The following GREB1 variants were observed in gnomAD, a reference collection of about 807,000 sequenced individuals.
The protein encoded by GREB1 is protein GREB1.
A neutral mutation model predicts 200.7 loss-of-function variants in GREB1; 106 were observed. The ratio of observed to expected loss-of-function variants is 0.53; its 90% confidence interval spans 0.45 to 0.62. The LOEUF is 0.62. Ranked by LOEUF, GREB1 falls within the 20% of genes least tolerant of loss-of-function variation. The pLI is 0.00. For synonymous variants in GREB1, 1,132 were observed against 1,092.4 expected (o/e 1.04, Z -0.72); for missense variants, 2,243 against 2,556.8 (o/e 0.88, Z 2.65).
chr2:11,618,184 CACTCCTGGGATGGGTGACTCCTGGGACA>C, intron 21 of GREB1, 76 bp from the exon 22 acceptor site: 1 of 969,512 alleles, frequency 1.0e-6, no homozygotes, highest in Non-Finnish European at 1.4e-6. Context: ...TGGGACAGGT[CACTCCTGGGATGGGTGACTCCTGGGACA>C]GGTCACTCCT....
chr2:11,516,417 T>A (rs1673503502), intron 1 of GREB1, among the ~76,000 whole-genome samples: 1 of 152,046 alleles, frequency 6.6e-6, no homozygotes, highest in Non-Finnish European at 1.5e-5. Context: ...CTGTCATAAC[T>A]GACTTCTCCC....
intron 22 of GREB1, among the ~76,000 whole-genome samples, chr2:11,619,223 T>C (rs531171744): frequency 6.6e-6 from 1 of 152,330 alleles, no homozygotes; most frequent in East Asian, 1.9e-4. Context: ...CCATGTTCTC[T>C]GACAAATAGA....
At position 11,584,429 on chromosome 2, in the gene GREB1, A is replaced by C. The variant is rs115812639; in HGVS notation, c.902-732A>C. ...GCAGGGAGGGGAGCACAGGTGGATCAGTACTGCCCCCAAGCGGTGGAGCTG... is the reference window on the plus strand; with the variant it reads ...GCAGGGAGGGGAGCACAGGTGGATCCGTACTGCCCCCAAGCGGTGGAGCTG... On this transcript the variant is annotated intron_variant, in intron 7 of 32. Transcript: ENST00000381486. Among the ~76,000 whole-genome samples, 516 of 152,294 alleles carry C rather than the reference A, an allele frequency of 3.4e-3. 5 individuals are homozygous for C. The highest frequency in any genetic ancestry group is 0.012 in the African/African-American group (500 of 41,560).
intron 17 of GREB1, among the ~76,000 whole-genome samples, chr2:11,607,430 G>A (rs200251603): frequency 1.0e-4 from 2 of 19,432 alleles, no homozygotes; most frequent in African/African-American, 1.7e-4. Context: ...GTATATGTAT[G>A]TGTGTGTGTG....
intron 30 of GREB1, 95 bp from the exon 31 acceptor site, chr2:11,637,621 G>A: frequency 2.0e-6 from 2 of 979,300 alleles, no homozygotes; most frequent in Non-Finnish European, 3.1e-6. Context: ...AGTGACACAA[G>A]CTCCCATGCT....
chr2:11,547,027 C>G (rs1025373884), intron 1 of GREB1, among the ~76,000 whole-genome samples: 1 of 149,528 alleles, frequency 6.7e-6, no homozygotes, highest in Admixed American at 6.7e-5. Flanking sequence ...CTCACGCAAT[C>G]TCTGCCTCCT....
At chr2:11,560,022 T>C (rs1278776789) in intron 2 of GREB1, among the ~76,000 whole-genome samples, 5 of 152,206 alleles carry the variant, frequency 3.3e-5, no homozygotes, top group Admixed American at 6.5e-5. Flanking sequence ...ATGGTCGCCA[T>C]TGTGAGGCCA....
At chr2:11,577,540 C>T (rs1678999912) in intron 5 of GREB1, among the ~76,000 whole-genome samples, 1 of 152,238 alleles carries the variant, frequency 6.6e-6, no homozygotes, top group South Asian at 2.1e-4. Context: ...CCCTTCATGG[C>T]CACAGTCAGC....
At chr2:11,622,957 T>C (rs1684129042) in intron 23 of GREB1, among the ~76,000 whole-genome samples, 1 of 152,194 alleles carries the variant, frequency 6.6e-6, no homozygotes, top group Admixed American at 6.5e-5. Context: ...AGAACATTCC[T>C]GAAAATGGAA....
chr2:11,555,174 A>G (rs1471658597), intron 1 of GREB1, among the ~76,000 whole-genome samples: 2 of 152,264 alleles, frequency 1.3e-5, no homozygotes, highest in Non-Finnish European at 2.9e-5. Context: ...TACAAGTTAA[A>G]CCAAAGGGAA....
rs1460109127 is a variant in GREB1, at chr2:11,517,779, G to A, written c.-159+35398G>A. 2.6e-5 allele frequency among the ~76,000 whole-genome samples: 4 copies of A among 152,240 alleles called. No individual in the cohort carries two copies. In the East Asian group the frequency reaches 7.7e-4, roughly 29 times the overall value. On this transcript the variant is annotated intron_variant, in intron 1 of 2. Coordinates refer to the GREB1 transcript ENST00000628795. The stretch of plus-strand genomic sequence containing the variant: ...CCATTCTCCTGCCTCAGCCTCCCGA[G>A]TAGCTGGGACTACAGGTGCCCGCCG...
chr2:11,523,319 A>ACC lies in GREB1; in HGVS notation c.-158-33131_-158-33130dup, dbSNP rs546789107. On this transcript the variant is annotated intron_variant, in intron 1 of 2. Transcript: ENST00000628795. ...CGGGTGATGAAACAATCTGTGCAAA[A>ACC]CCCCCCCCATGACATGAGTTTACCT... Among the ~76,000 whole-genome samples, 538 of 151,076 alleles carry ACC rather than the reference A, an allele frequency of 3.6e-3. 6 individuals carry two copies. Among genetic ancestry groups the ACC allele is most frequent in the African/African-American group, 0.013 (524 of 41,020 alleles).
At chr2:11,593,823 C>A (rs1181693129) in intron 11 of GREB1, among the ~76,000 whole-genome samples, 1 of 152,044 alleles carries the variant, frequency 6.6e-6, no homozygotes, top group African/African-American at 2.4e-5. Context: ...AGCCACTGTT[C>A]TAGAGGCTGG....
At chr2:11,595,158 C>T in intron 11 of GREB1, 93 bp from the exon 12 acceptor site, 2 of 1,158,378 alleles carry the variant, frequency 1.7e-6, no homozygotes, top group South Asian at 1.5e-5. Flanking sequence ...TGGGAAATGT[C>T]AAGTCTAGAA....
intron 15 of GREB1, 23 bp from the exon 16 acceptor site, chr2:11,600,777 G>A: frequency 6.3e-7 from 1 of 1,591,110 alleles, no homozygotes; most frequent in Non-Finnish European, 8.6e-7. Flanking sequence ...TAATTCCACT[G>A]ATTGTGTCTT....
intron 9 of GREB1, chr2:11,588,274 T>C: frequency 3.7e-6 from 4 of 1,067,114 alleles, no homozygotes; most frequent in Non-Finnish European, 4.6e-6. Context: ...TGTGGTGATA[T>C]ATTGTCCCAA....
intron 1 of GREB1, among the ~76,000 whole-genome samples, chr2:11,500,075 G>A (rs1397659197): frequency 1.3e-5 from 2 of 152,052 alleles, no homozygotes; most frequent in Non-Finnish European, 2.9e-5. Flanking sequence ...TCTGCCTCCC[G>A]GGTTCGAGCA....
chr2:11,613,452 G>A (rs948126634), intron 19 of GREB1, among the ~76,000 whole-genome samples: 2 of 152,208 alleles, frequency 1.3e-5, no homozygotes, highest in African/African-American at 2.4e-5. Flanking sequence ...CTGGGGGAAA[G>A]GTGCTATTTC....
At chr2:11,583,457 C>T (rs1558583157) in intron 7 of GREB1, among the ~76,000 whole-genome samples, 1 of 152,086 alleles carries the variant, frequency 6.6e-6, no homozygotes, top group African/African-American at 2.4e-5. Flanking sequence ...GTACTTTATG[C>T]TTTTAACTTT....
Sources: gnomAD v4.1 joint callset for allele counts (sites outside exome capture counted in the v4.1 genomes callset) on GRCh38, gnomAD v4.1.1 for gene constraint, MANE v1.5 for transcripts, NCBI Gene and HGNC (gene_info 2026-07-23, HGNC 2026-07-21) for gene names.